The following ENTREP1 variants were observed in gnomAD, a reference collection of about 807,000 sequenced individuals.
ENTREP1 encodes the protein Friedreich ataxia region gene X123.
the ENTREP1 span, chr9:69,386,870 C>T: frequency 2.0e-5 from 3 of 152,336 alleles, no homozygotes; most frequent in Admixed American, 6.5e-5. Context: ...AGTCCTGCCG[C>T]CTGGTACTGA....
the ENTREP1 span, among the ~76,000 whole-genome samples, chr9:69,355,921 T>C: frequency 7.9e-4 from 120 of 152,184 alleles, no homozygotes; most frequent in Non-Finnish European, 5.9e-5. Context: ...TACTTTTTTG[T>C]GGTGTGCAAT....
At chr9:69,338,684 A>T in the ENTREP1 span, among the ~76,000 whole-genome samples, 1 of 152,188 alleles carries the variant, frequency 6.6e-6, no homozygotes, top group Non-Finnish European at 1.5e-5. Context: ...TATGTCATGT[A>T]CTGCTTTTTC....
At chr9:69,388,135 A>G in the ENTREP1 span, 2 of 1,614,098 alleles carry the variant, frequency 1.2e-6, no homozygotes, top group Admixed American at 3.3e-5. Flanking sequence ...CAATGGGTAC[A>G]TGTTGTTTGT....
At chr9:69,324,949 T>A in the ENTREP1 span, 1 of 984,858 alleles carries the variant, frequency 1.0e-6, no homozygotes, top group Non-Finnish European at 1.2e-6. Flanking sequence ...ACTTAAATAT[T>A]TGGGGCAGGG....
chr9:69,388,491 A>T, the ENTREP1 span: 3 of 1,467,644 alleles, frequency 2.0e-6, no homozygotes, highest in East Asian at 7.0e-5. Flanking sequence ...CAGATGACTC[A>T]TTTTCATAGC....
chr9:69,365,877 A>G, the ENTREP1 span, among the ~76,000 whole-genome samples: 1 of 152,148 alleles, frequency 6.6e-6, no homozygotes, highest in South Asian at 2.1e-4. Flanking sequence ...TTTATGGCCA[A>G]TTAAACATTT....
chr9:69,328,265 T>C, the ENTREP1 span, among the ~76,000 whole-genome samples: 4 of 152,224 alleles, frequency 2.6e-5, no homozygotes, highest in African/African-American at 7.2e-5. Flanking sequence ...AATTCTCTTA[T>C]TGTTTGGAAG....
the ENTREP1 span, among the ~76,000 whole-genome samples, chr9:69,358,429 A>G: frequency 6.6e-6 from 1 of 152,182 alleles, no homozygotes; most frequent in African/African-American, 2.4e-5. Flanking sequence ...TGACTCATTC[A>G]TTCAGTATTA....
the ENTREP1 span, among the ~76,000 whole-genome samples, chr9:69,368,733 C>G: frequency 1.3e-5 from 2 of 151,934 alleles, no homozygotes; most frequent in Non-Finnish European, 2.9e-5. Flanking sequence ...ATTAGTTCTT[C>G]TTTATAAGTT....
At chr9:69,340,765 G>GTGTGTGTGTT in the ENTREP1 span, among the ~76,000 whole-genome samples, 1 of 121,996 alleles carries the variant, frequency 8.2e-6, no homozygotes. Flanking sequence ...GTGCGTGCAT[G>GTGTGTGTGTT]TGTGTGTGTG....
the ENTREP1 span, chr9:69,377,532 C>T: frequency 1.9e-6 from 3 of 1,606,976 alleles, no homozygotes; most frequent in Non-Finnish European, 2.6e-6. Context: ...GCCCATGGAC[C>T]CCTTCGTGTC....
At chr9:69,377,413 C>T in the ENTREP1 span, 4 of 1,614,102 alleles carry the variant, frequency 2.5e-6, no homozygotes, top group Non-Finnish European at 3.4e-6. Flanking sequence ...CTGACCACCA[C>T]CGTCTGCTTG....
chr9:69,375,783 A>G, the ENTREP1 span: 44 of 1,613,896 alleles, frequency 2.7e-5, no homozygotes, highest in Non-Finnish European at 3.6e-5. Context: ...AAGAATTTCA[A>G]CCAGCCAAGT....
chr9:69,391,634 G>GCC, the ENTREP1 span: 1 of 1,614,134 alleles, frequency 6.2e-7, no homozygotes, highest in Non-Finnish European at 8.5e-7. Context: ...CACATCCAGG[G>GCC]CCCACAAGCT....
the ENTREP1 span, among the ~76,000 whole-genome samples, chr9:69,369,437 A>T: frequency 1.3e-5 from 2 of 152,138 alleles, no homozygotes; most frequent in African/African-American, 2.4e-5. Context: ...AAACTAATTT[A>T]CACTCCCACC....
chr9:69,364,498 T>A, the ENTREP1 span, among the ~76,000 whole-genome samples: 1 of 152,148 alleles, frequency 6.6e-6, no homozygotes, highest in Non-Finnish European at 1.5e-5. Context: ...CTTTGGCAGC[T>A]GATATTTTCT....
At chr9:69,369,939 C>T in the ENTREP1 span, among the ~76,000 whole-genome samples, 2 of 152,110 alleles carry the variant, frequency 1.3e-5, no homozygotes, top group African/African-American at 4.8e-5. Context: ...CTTGTATATT[C>T]TGGACACAAG....
the ENTREP1 span, among the ~76,000 whole-genome samples, chr9:69,374,862 T>C: frequency 1.3e-5 from 2 of 152,254 alleles, no homozygotes; most frequent in African/African-American, 4.8e-5. Context: ...TTTAGAAATA[T>C]TGGGCAGAGA....
the ENTREP1 span, chr9:69,391,699 C>T: frequency 4.3e-6 from 7 of 1,614,128 alleles, no homozygotes; most frequent in Non-Finnish European, 5.1e-6. Flanking sequence ...GCGACCTTCA[C>T]ACCTTCACAC....
Sources: allele counts gnomAD v4.1 joint callset (sites outside exome capture counted in the v4.1 genomes callset), GRCh38; gene constraint gnomAD v4.1.1; transcripts MANE v1.5; gene names NCBI Gene and HGNC (gene_info 2026-07-23, HGNC 2026-07-21).